Variants in SLC24A3 observed in about 807,000 individuals in gnomAD.
SLC24A3 encodes the protein solute carrier family 24 member 3, also known as sodium/potassium/calcium exchanger 3.
Under a neutral mutation model 75.8 loss-of-function variants are expected in SLC24A3, and 28 were observed. The observed-to-expected ratio is 0.37, with a 90% CI of 0.27 to 0.51. The LOEUF is 0.51. Among genes scored for constraint, SLC24A3 ranks in the 20% least tolerant of loss-of-function variants. The pLI, the probability that SLC24A3 is intolerant of heterozygous loss-of-function variation, is 0.94. For missense variants in SLC24A3, 663 were observed against 847.8 expected (o/e 0.78, Z 2.71); for synonymous variants, 372 against 334.1 (o/e 1.11, Z -1.24).
chr20:19,628,016 T>C (rs1348988789), intron 6 of SLC24A3, among the ~76,000 whole-genome samples: 1 of 150,966 alleles, frequency 6.6e-6, no homozygotes, highest in Non-Finnish European at 1.5e-5. Flanking sequence ...GCCAACATGG[T>C]GAAACCCTGT....
intron 2 of SLC24A3, among the ~76,000 whole-genome samples, chr20:19,446,028 A>T (rs541082877): frequency 6.6e-6 from 1 of 152,308 alleles, no homozygotes; most frequent in Admixed American, 6.5e-5. Flanking sequence ...TTCATTGTCC[A>T]AATGAGGCCC....
intron 2 of SLC24A3, among the ~76,000 whole-genome samples, chr20:19,300,603 C>T (rs1024098005): frequency 6.6e-6 from 1 of 152,196 alleles, no homozygotes; most frequent in Admixed American, 6.5e-5. Context: ...CACATATGCT[C>T]ATTGTCACAC....
intron 15 of SLC24A3, among the ~76,000 whole-genome samples, chr20:19,714,204 A>G (rs2033019024): frequency 6.6e-6 from 1 of 152,096 alleles, no homozygotes; most frequent in Non-Finnish European, 1.5e-5. Context: ...GGAGTTTGAG[A>G]CCAGCCTGAG....
chr20:19,491,468 C>T (rs1988208164), intron 2 of SLC24A3, among the ~76,000 whole-genome samples: 1 of 152,172 alleles, frequency 6.6e-6, no homozygotes, highest in African/African-American at 2.4e-5. Context: ...ACAATGACCT[C>T]AGGGCAGAAA....
At chr20:19,704,949 G>A (rs1262770241) in intron 15 of SLC24A3, among the ~76,000 whole-genome samples, 1 of 152,128 alleles carries the variant, frequency 6.6e-6, no homozygotes, top group African/African-American at 2.4e-5. Context: ...AAATCACACA[G>A]CCAGAAAGAG....
At chr20:19,656,147 C>G (rs1014986904) in intron 7 of SLC24A3, among the ~76,000 whole-genome samples, 3 of 152,190 alleles carry the variant, frequency 2.0e-5, no homozygotes, top group African/African-American at 7.2e-5. Context: ...GTGAGATTTT[C>G]CCTGCGGAAC....
At chr20:19,500,199 AT>A (rs1414240027) in intron 2 of SLC24A3, among the ~76,000 whole-genome samples, 1 of 151,898 alleles carries the variant, frequency 6.6e-6, no homozygotes, top group Non-Finnish European at 1.5e-5. Context: ...TTTACCTGAA[AT>A]TGTTGAGAAA....
At chr20:19,629,253 T>A (rs1371634324) in intron 6 of SLC24A3, among the ~76,000 whole-genome samples, 1 of 151,746 alleles carries the variant, frequency 6.6e-6, no homozygotes, top group Non-Finnish European at 1.5e-5. Flanking sequence ...TAAAGAACAA[T>A]AACTGAATTG....
intron 6 of SLC24A3, among the ~76,000 whole-genome samples, chr20:19,646,339 AT>A (rs1206881459): frequency 2.6e-5 from 4 of 152,180 alleles, no homozygotes; most frequent in Non-Finnish European, 4.4e-5. Context: ...CCCATGTGAT[AT>A]TTGAGATATG....
chr20:19,652,239 C>T (rs942657099), intron 6 of SLC24A3, among the ~76,000 whole-genome samples: 8 of 152,220 alleles, frequency 5.3e-5, no homozygotes, highest in Admixed American at 3.3e-4. Context: ...TATCTTGTTA[C>T]GGTATAACAA....
intron 2 of SLC24A3, among the ~76,000 whole-genome samples, chr20:19,417,918 G>A (rs1220077737): frequency 6.6e-6 from 1 of 152,240 alleles, no homozygotes; most frequent in African/African-American, 2.4e-5. Context: ...TAGGTAGGAA[G>A]TTGGAGGAGT....
At chr20:19,637,084 A>G (rs2032010984) in intron 6 of SLC24A3, among the ~76,000 whole-genome samples, 1 of 152,218 alleles carries the variant, frequency 6.6e-6, no homozygotes, top group Non-Finnish European at 1.5e-5. Flanking sequence ...GGATCACCTG[A>G]GGTCAGGAAT....
At chr20:19,464,899 G>A (rs1232478420) in intron 2 of SLC24A3, among the ~76,000 whole-genome samples, 1 of 152,184 alleles carries the variant, frequency 6.6e-6, no homozygotes, top group African/African-American at 2.4e-5. Context: ...TCTAGCATCA[G>A]TTGGCAGGAT....
At chr20:19,301,751 C>T (rs1042188803) in intron 2 of SLC24A3, among the ~76,000 whole-genome samples, 14 of 152,190 alleles carry the variant, frequency 9.2e-5, no homozygotes, top group African/African-American at 3.4e-4. Flanking sequence ...TGACCCCCCT[C>T]AGCATCTCCC....
chr20:19,541,551 G>A (rs751859070), intron 3 of SLC24A3, among the ~76,000 whole-genome samples: 6 of 152,282 alleles, frequency 3.9e-5, no homozygotes, highest in East Asian at 1.9e-4. Context: ...GCACCCCCGC[G>A]CCCTCCGCCC....
chr20:19,515,239 G>A (rs2029961147), intron 2 of SLC24A3, among the ~76,000 whole-genome samples: 1 of 152,220 alleles, frequency 6.6e-6, no homozygotes, highest in East Asian at 1.9e-4. Context: ...GCACAAGTAT[G>A]ATGGTATGAC....
At chr20:19,372,431 G>T (rs1356136654) in intron 2 of SLC24A3, among the ~76,000 whole-genome samples, 2 of 152,206 alleles carry the variant, frequency 1.3e-5, no homozygotes, top group African/African-American at 4.8e-5. Context: ...CTTTCTGAGG[G>T]TAAGGGATGC....
chr20:19,706,100 C>T (rs1288085716), intron 15 of SLC24A3, among the ~76,000 whole-genome samples: 1 of 152,144 alleles, frequency 6.6e-6, no homozygotes, highest in Non-Finnish European at 1.5e-5. Flanking sequence ...GTGTCTGTCT[C>T]TCTCTCTCCA....
intron 6 of SLC24A3, among the ~76,000 whole-genome samples, chr20:19,651,201 A>C (rs2032197811): frequency 6.6e-6 from 1 of 151,818 alleles, no homozygotes; most frequent in South Asian, 2.1e-4. Context: ...ATAGGAGGCA[A>C]ATTTTTTGAG....
Sources: allele counts gnomAD v4.1 joint callset (sites outside exome capture counted in the v4.1 genomes callset), GRCh38; gene constraint gnomAD v4.1.1; transcripts MANE v1.5; gene names NCBI Gene and HGNC (gene_info 2026-07-23, HGNC 2026-07-21).